Variants in FOXK2 observed in about 807,000 individuals in gnomAD.
FOXK2 encodes forkhead box protein K2.
Under a neutral mutation model 53.3 loss-of-function variants are expected in FOXK2, and 24 were observed. That is an observed-to-expected ratio of 0.45 (90% CI 0.33 to 0.63). FOXK2 has a LOEUF of 0.63. FOXK2 is among the 30% of genes least tolerant of loss of function. FOXK2 has a pLI of 0.03. For missense variants in FOXK2, 952 were observed against 910.5 expected, an observed-to-expected ratio of 1.05 and a Z score of -0.59; for synonymous variants, 505 against 407.1, an observed-to-expected ratio of 1.24 and a Z score of -2.89.
chr17:82,523,512 G>T (rs886919293), intron 1 of FOXK2, among the ~76,000 whole-genome samples: 3 of 143,514 alleles, frequency 2.1e-5, no homozygotes, highest in African/African-American at 5.2e-5. Flanking sequence ...CGCTCTTGTT[G>T]CCTAGGCTGG....
rs1402774794 is a variant in FOXK2 at position 82,563,564 on chromosome 17, T to C, written c.614+16T>C. The C allele has an allele frequency of 1.2e-6, 2 of 1,607,298 alleles. No homozygotes were observed. The highest frequency in any genetic ancestry group is 1.7e-6 in the Non-Finnish European group (2 of 1,176,732). ...GAACCATCAGGTGCGGCCATGGGGA[T>C]GGGGGACTGGAGCATCCTTAGTCCC... On this transcript the variant is annotated intron_variant, in intron 2 of 8. Transcript: ENST00000335255.
intron 8 of FOXK2, among the ~76,000 whole-genome samples, chr17:82,592,466 C>G (rs912974616): frequency 1.3e-5 from 2 of 152,228 alleles, no homozygotes; most frequent in African/African-American, 2.4e-5. Flanking sequence ...AGTGGAGGAA[C>G]CTCATGAGGC....
At chr17:82,539,608 C>T (rs1218369346) in intron 1 of FOXK2, among the ~76,000 whole-genome samples, 1 of 151,716 alleles carries the variant, frequency 6.6e-6, no homozygotes, top group Non-Finnish European at 1.5e-5. Flanking sequence ...ATGATCATAC[C>T]ACTGCACTCC....
chr17:82,549,107 T>C, intron 1 of FOXK2, among the ~76,000 whole-genome samples: 1 of 152,226 alleles, frequency 6.6e-6, no homozygotes, highest in East Asian at 1.9e-4. Context: ...CTGAACATTA[T>C]AGGAGAATGT....
At chr17:82,572,988 C>T (rs184014498) in intron 4 of FOXK2, among the ~76,000 whole-genome samples, 103 of 152,026 alleles carry the variant, frequency 6.8e-4, no homozygotes, top group African/African-American at 2.0e-3. Context: ...TCTAGGATTT[C>T]GAGAGCAGCC....
chr17:82,537,619 CAAAAA>C (rs963026198), intron 1 of FOXK2, among the ~76,000 whole-genome samples: 9 of 53,036 alleles, frequency 1.7e-4, no homozygotes, highest in South Asian at 7.6e-4. Flanking sequence ...GACTCCATCT[CAAAAA>C]AAAAAAAAAA....
chr17:82,536,908 G>C (rs376569584), intron 1 of FOXK2, among the ~76,000 whole-genome samples: 1 of 152,148 alleles, frequency 6.6e-6, no homozygotes, highest in African/African-American at 2.4e-5. Flanking sequence ...TTTGGCCTTG[G>C]ATCTGACTTA....
Position 82,601,454 on chromosome 17 carries a change from G to A in FOXK2, c.1938G>A (p.Val646=). The change falls in exon 9 of 9, where the codon GTG becomes GTA. Residue 646 remains valine (V), a synonymous_variant. Transcript: ENST00000335255. ...DGEGIVIALS[V]DTPPAAVREK... ...AGGGCATCGTCATTGCCCTGAGCGT[G>A]GACACGCCACCGGCAGCCGTAAGGG... The A allele has an allele frequency of 6.2e-7, 1 of 1,612,112 alleles. No individual in the cohort carries two copies. The highest frequency in any genetic ancestry group is 8.5e-7 in the Non-Finnish European group (1 of 1,179,644).
chr17:82,598,907 G>T (rs2045348444), intron 8 of FOXK2: 1 of 152,008 alleles, frequency 6.6e-6, no homozygotes, highest in Non-Finnish European at 1.5e-5. Context: ...CGACGTCAGG[G>T]AATGTGGGGG....
chr17:82,520,159 C>T lies in FOXK2; in HGVS notation c.271C>T (p.His91Tyr). ...CTTCACGCCCCCGGGCGGCGGCGGCCATGGCGGGGCCGCTCCGGAGCTGCC... is the reference window on the plus strand; with the variant it reads ...CTTCACGCCCCCGGGCGGCGGCGGCTATGGCGGGGCCGCTCCGGAGCTGCC... The part of the protein sequence containing the change: ...EIFTPPGGGG[H>Y]GGAAPELPPA... Residue 91 changes from histidine (H) to tyrosine (Y), a missense_variant, in exon 1 of 9, where the codon CAT (histidine) becomes TAT (tyrosine). Coordinates refer to ENST00000335255, the MANE Select transcript of FOXK2 (RefSeq NM_004514.4). 4.0e-6 allele frequency: 6 copies of T among 1,509,868 alleles called. No individual in the cohort carries two copies. The highest frequency in any genetic ancestry group is 3.5e-6 in the Non-Finnish European group (4 of 1,128,640). The allele number at this position is 1,509,868 out of a possible 1,614,324, so 93.5% of individuals were successfully genotyped here. A position where few individuals can be genotyped will look rare whatever the true frequency, so the allele number is the denominator to read the frequency against.
chr17:82,538,125 A>G (rs538131198), intron 1 of FOXK2, among the ~76,000 whole-genome samples: 4 of 152,184 alleles, frequency 2.6e-5, no homozygotes, highest in African/African-American at 9.6e-5. Context: ...TGGGAGGCTG[A>G]GACAGGAGAA....
At chr17:82,584,549 C>CTTT (rs34083156) in intron 6 of FOXK2, among the ~76,000 whole-genome samples, 1,176 of 89,750 alleles carry the variant, frequency 0.013, 38 homozygotes, top group African/African-American at 0.02. Context: ...AAAACATGTC[C>CTTT]TTTTTTTTTT....
At position 82,571,326 on chromosome 17, in the gene FOXK2, C is replaced by T. The variant is rs573045581; in HGVS notation, c.763-398C>T. 3.9e-5 allele frequency among the ~76,000 whole-genome samples: 6 copies of T among 152,212 alleles called. No individual in the cohort carries two copies. The East Asian group carries it at 5.8e-4, about 15-fold the overall frequency. On this transcript the variant is annotated intron_variant, in intron 3 of 8. Coordinates refer to ENST00000335255, the MANE Select transcript of FOXK2 (RefSeq NM_004514.4). ...AAGAAAAATGAGGTATCAGGCTGGG[C>T]GCAGTGGCTCACACCCGTAATCCCA...
chr17:82,590,574 A>C (rs1034651782), intron 8 of FOXK2, among the ~76,000 whole-genome samples: 2 of 151,990 alleles, frequency 1.3e-5, no homozygotes, highest in Admixed American at 6.6e-5. Flanking sequence ...GTAGTTCTTT[A>C]TTCATATGTA....
intron 4 of FOXK2, among the ~76,000 whole-genome samples, chr17:82,574,120 C>T (rs2044954210): frequency 6.6e-6 from 1 of 152,230 alleles, no homozygotes; most frequent in South Asian, 2.1e-4. Flanking sequence ...AGGCACCCTT[C>T]TCTGCTGAAC....
intron 1 of FOXK2, among the ~76,000 whole-genome samples, chr17:82,537,619 C>CAAAAA (rs963026198): frequency 1.1e-4 from 6 of 53,018 alleles, no homozygotes; most frequent in South Asian, 7.6e-4. Flanking sequence ...GACTCCATCT[C>CAAAAA]AAAAAAAAAA....
chr17:82,567,088 G>C (rs556233549), intron 2 of FOXK2, among the ~76,000 whole-genome samples: 2 of 152,198 alleles, frequency 1.3e-5, no homozygotes, highest in Admixed American at 1.3e-4. Context: ...AAGGCCACTC[G>C]TGTGTTGCCC....
At chr17:82,559,777 A>G (rs2044773531) in intron 1 of FOXK2, among the ~76,000 whole-genome samples, 1 of 150,512 alleles carries the variant, frequency 6.6e-6, no homozygotes, top group Non-Finnish European at 1.5e-5. Flanking sequence ...ATTATTTATT[A>G]TGTATTTATT....
Position 82,585,956 on chromosome 17 carries a change from A to C in FOXK2, c.1332A>C (p.Pro444=). The part of the protein sequence containing the change: ...PVLITVQRQL[P]QAIKPVTYTV... ...TAATCACCGTCCAGCGGCAGCTACC[A>C]CAGGCCATCAAGCCTGTCACCTACA... Residue 444 remains proline, a synonymous_variant, in exon 7 of 9, where the codon CCA becomes CCC. Coordinates refer to ENST00000335255, the MANE Select transcript of FOXK2 (RefSeq NM_004514.4). 1 of 1,612,744 alleles carries C rather than the reference A, an allele frequency of 6.2e-7. No individual in the cohort carries two copies. The highest frequency in any genetic ancestry group is 8.5e-7 in the Non-Finnish European group (1 of 1,179,902).
Sources: gnomAD v4.1 joint callset for allele counts (sites outside exome capture counted in the v4.1 genomes callset) on GRCh38, gnomAD v4.1.1 for gene constraint, MANE v1.5 for transcripts, NCBI Gene and HGNC (gene_info 2026-07-23, HGNC 2026-07-21) for gene names.